DPF3: variants seen among roughly 807,000 people sequenced by gnomAD.
DPF3 encodes the protein zinc finger protein DPF3.
A neutral mutation model predicts 56.8 loss-of-function variants in DPF3; 18 were observed. That is an observed-to-expected ratio of 0.32 (90% CI 0.22 to 0.47). The LOEUF (loss-of-function observed/expected upper bound fraction) is 0.47. DPF3 is among the 20% of genes least tolerant of loss of function. The probability of loss-of-function intolerance (pLI) is 1.00; values close to 1 mark genes in which losing one functional copy is unlikely to be tolerated. For synonymous variants in DPF3, 188 were observed against 180.2 expected, an observed-to-expected ratio of 1.04 and a Z score of -0.35; for missense variants, 403 against 488.8, an observed-to-expected ratio of 0.82 and a Z score of 1.65.
At chr14:72,845,109 A>C (rs1161823703) in intron 1 of DPF3, among the ~76,000 whole-genome samples, 1 of 152,198 alleles carries the variant, frequency 6.6e-6, no homozygotes, top group African/African-American at 2.4e-5. Context: ...TGTCTCTAAA[A>C]AGAAGCCTCC....
At chr14:72,644,526 C>T (rs1395028816) in intron 8 of DPF3, among the ~76,000 whole-genome samples, 1 of 152,160 alleles carries the variant, frequency 6.6e-6, no homozygotes, top group African/African-American at 2.4e-5. Flanking sequence ...TGGAATAGTA[C>T]AAGAGAAAGC....
intron 8 of DPF3, among the ~76,000 whole-genome samples, chr14:72,631,006 CT>C (rs1885139199): frequency 1.3e-5 from 2 of 152,240 alleles, no homozygotes; most frequent in South Asian, 2.1e-4. Context: ...CATTTCCTCC[CT>C]TTCAAATCTT....
chr14:72,880,796 G>A (rs1263649916), intron 1 of DPF3, among the ~76,000 whole-genome samples: 1 of 152,142 alleles, frequency 6.6e-6, no homozygotes, highest in African/African-American at 2.4e-5. Flanking sequence ...GCCCACCTAG[G>A]CCTCCAAAAG....
At chr14:72,718,049 G>C (rs1487900088) in intron 5 of DPF3, among the ~76,000 whole-genome samples, 1 of 152,186 alleles carries the variant, frequency 6.6e-6, no homozygotes, top group Non-Finnish European at 1.5e-5. Flanking sequence ...ACCCTAGCTA[G>C]TATAGGCCAC....
rs765327268 is a variant in DPF3 at position 72,674,224 on chromosome 14, A to G, written c.871+16T>C. Reference sequence around the variant, plus strand: ...CTGGTCTACGGGCACCCGGTGTGGGAAGGGGCCACACTCACCAGAGCGTCC... The same window carrying G: ...CTGGTCTACGGGCACCCGGTGTGGGGAGGGGCCACACTCACCAGAGCGTCC... On this transcript the variant is annotated intron_variant, in intron 8 of 10. Transcript: ENST00000556509. 2 of 1,608,132 alleles carry G rather than the reference A, an allele frequency of 1.2e-6. No homozygotes were observed. The highest frequency in any genetic ancestry group is 2.2e-5 in the East Asian group (1 of 44,800).
intron 3 of DPF3, among the ~76,000 whole-genome samples, chr14:72,740,907 G>A (rs1050099847): frequency 1.2e-4 from 18 of 152,114 alleles, no homozygotes; most frequent in African/African-American, 4.3e-4. Context: ...CCTTTTAAAA[G>A]GCTATAAGAC....
intron 1 of DPF3, among the ~76,000 whole-genome samples, chr14:72,787,849 A>G (rs1314504430): frequency 6.6e-6 from 1 of 152,206 alleles, no homozygotes; most frequent in East Asian, 1.9e-4. Flanking sequence ...TGCTAAGGAC[A>G]AGAGAGGAGA....
intron 3 of DPF3, among the ~76,000 whole-genome samples, chr14:72,736,544 G>A (rs1378851178): frequency 6.6e-6 from 1 of 152,104 alleles, no homozygotes; most frequent in African/African-American, 2.4e-5. Context: ...GATGGGTAAG[G>A]CCTGCAAGGT....
At chr14:72,701,727 T>A (rs761272873) in intron 6 of DPF3, among the ~76,000 whole-genome samples, 1 of 152,126 alleles carries the variant, frequency 6.6e-6, no homozygotes, top group Non-Finnish European at 1.5e-5. Context: ...TCTGAGCCAG[T>A]GGTTTCCGAG....
intron 5 of DPF3, among the ~76,000 whole-genome samples, chr14:72,721,538 AT>A (rs1457964457): frequency 3.3e-5 from 5 of 152,180 alleles, no homozygotes; most frequent in African/African-American, 1.2e-4. Flanking sequence ...CAGTTTATCA[AT>A]GGCTGCAAAA....
At chr14:72,723,845 C>T in intron 4 of DPF3, 117 bp from the exon 5 acceptor site, 3 of 1,043,382 alleles carry the variant, frequency 2.9e-6, no homozygotes, top group Non-Finnish European at 4.1e-6. Flanking sequence ...AGTGAAGACG[C>T]TGCCTTTGCT....
At chr14:72,834,943 A>G (rs1884227332) in intron 1 of DPF3, among the ~76,000 whole-genome samples, 1 of 151,944 alleles carries the variant, frequency 6.6e-6, no homozygotes, top group Admixed American at 6.6e-5. Context: ...CAGAAGCCAG[A>G]TACAAAGGCC....
rs768126361 is a variant in DPF3 at position 72,731,868 on chromosome 14, C to T, written c.368G>A (p.Arg123His). 20 of 1,611,682 alleles carry T rather than the reference C, an allele frequency of 1.2e-5. No homozygotes were observed. Among genetic ancestry groups the T allele is most frequent in the Middle Eastern group, 1.6e-4 (1 of 6,082 alleles). Reference protein sequence around the residue: ...SESTTLEALLRGEGVEKKVDA... With the variant: ...SESTTLEALLHGEGVEKKVDA... ...CACCTTCTTCTCAACCCCCTCGCCA[C>T]GGAGCAAGGCTTCCAGCGTGGTGCT... The change falls in exon 4 of 11, where the codon CGT becomes CAT. Residue 123 changes from arginine (R) to histidine (H), a missense_variant. Physicochemically the swap from Arg to His is conservative, Grantham distance 29 (BLOSUM62 0). Around this residue, in one of 2 missense-constraint regions of DPF3, gnomAD observed 340 missense variants for 374.3 expected, o/e 0.91. Transcript: ENST00000556509.
At position 72,714,516 on chromosome 14, in the gene DPF3, G is replaced by A; in HGVS notation, c.526-15C>T. Reference sequence around the variant, plus strand: ...GAGCCGCGAGCCTGGGGAGACATTGGGGTACAGGATGCTTGTTACCATGGT... The same window carrying A: ...GAGCCGCGAGCCTGGGGAGACATTGAGGTACAGGATGCTTGTTACCATGGT... On this transcript the variant is annotated splice_polypyrimidine_tract_variant and intron_variant, in intron 5 of 10. Transcript: ENST00000556509. The A allele has an allele frequency of 6.2e-7, 1 of 1,613,510 alleles. No homozygotes were observed. Among genetic ancestry groups the A allele is most frequent in the Non-Finnish European group, 8.5e-7 (1 of 1,179,658 alleles).
At chr14:72,888,339 T>C (rs1886626708) in intron 1 of DPF3, among the ~76,000 whole-genome samples, 1 of 152,164 alleles carries the variant, frequency 6.6e-6, no homozygotes, top group South Asian at 2.1e-4. Flanking sequence ...TTTAAAACTC[T>C]AATGCAAATC....
chr14:72,749,016 G>A (rs767482698), intron 3 of DPF3, among the ~76,000 whole-genome samples: 2 of 152,350 alleles, frequency 1.3e-5, no homozygotes, highest in African/African-American at 4.8e-5. Flanking sequence ...ACCACCTAGC[G>A]GAGCTGTGAG....
chr14:72,891,891 T>C (rs939842045), intron 1 of DPF3, among the ~76,000 whole-genome samples: 1 of 152,174 alleles, frequency 6.6e-6, no homozygotes, highest in Non-Finnish European at 1.5e-5. Context: ...GTTGCAACTG[T>C]TTCTAATTAT....
intron 2 of DPF3, among the ~76,000 whole-genome samples, chr14:72,761,838 ACATT>A (rs2094294563): frequency 6.6e-6 from 1 of 151,918 alleles, no homozygotes; most frequent in Non-Finnish European, 1.5e-5. Flanking sequence ...GTAAAAAATA[ACATT>A]CAAATTAACA....
intron 8 of DPF3, chr14:72,661,275 C>T: frequency 1.0e-6 from 1 of 985,264 alleles, no homozygotes; most frequent in South Asian, 4.7e-5. Context: ...TGATCCCCTC[C>T]ACCAACAGGA....
Sources: gnomAD v4.1 joint callset for allele counts (sites outside exome capture counted in the v4.1 genomes callset) on GRCh38, gnomAD v4.1.1 for gene constraint, gnomAD v4.1.1 regional missense constraint, MANE v1.5 for transcripts, NCBI Gene and HGNC (gene_info 2026-07-23, HGNC 2026-07-21) for gene names.